The following RNF8 variants were observed in gnomAD, a reference collection of about 807,000 sequenced individuals.
RNF8 encodes the protein ring finger protein 8.
In RNF8, 8 loss-of-function variants were observed where a neutral mutation model predicts 59.3. That is an observed-to-expected ratio of 0.13 (90% confidence interval 0.08 to 0.24). The LOEUF (loss-of-function observed/expected upper bound fraction) is 0.24, where lower values mean the gene tolerates loss of function less well. RNF8 is among the 10% of genes least tolerant of loss of function. RNF8 has a pLI of 1.00. For missense variants in RNF8, 406 were observed against 572.6 expected, an observed-to-expected ratio of 0.71 and a Z score of 2.97; for synonymous variants, 162 against 200.0, an observed-to-expected ratio of 0.81 and a Z score of 1.60.
chr6:37,360,369 G>A lies in RNF8; in HGVS notation c.112-77G>A. 1.3e-6 allele frequency: 2 copies of A among 1,571,076 alleles called. No individual in the cohort carries two copies. Among genetic ancestry groups the A allele is most frequent in the East Asian group, 4.5e-5 (2 of 44,296 alleles). On this transcript the variant is annotated intron_variant, in intron 1 of 7. Transcript: ENST00000373479. This position sits in a 1 kb window ranked among gnomAD's most constrained non-coding sequence, Gnocchi z 4.2. ...AAGTCAGGACCTGCATATGCTGCTG[G>A]TTGATGAGATTTGTAAAGGACCTCC...
chr6:37,361,546 T>C (rs767820729), intron 2 of RNF8: 1 of 350,898 alleles, frequency 2.8e-6, no homozygotes, highest in Non-Finnish European at 5.6e-6. Context: ...GTGATGAAAA[T>C]ACAGACTATG....
At chr6:37,371,134 ATGT>A (rs1028311014) in intron 3 of RNF8, among the ~76,000 whole-genome samples, 1 of 152,088 alleles carries the variant, frequency 6.6e-6, no homozygotes, top group African/African-American at 2.4e-5. Flanking sequence ...AGCATGCTAG[ATGT>A]TGTGAGTGCC....
At chr6:37,364,709 A>T (rs765589566) in intron 2 of RNF8, among the ~76,000 whole-genome samples, 1 of 152,212 alleles carries the variant, frequency 6.6e-6, no homozygotes. Context: ...TTTACCCAAG[A>T]TTAATGAAAG....
chr6:37,363,668 T>A (rs778857074), intron 2 of RNF8, among the ~76,000 whole-genome samples: 2 of 151,726 alleles, frequency 1.3e-5, no homozygotes, highest in Non-Finnish European at 2.9e-5. Flanking sequence ...GTTGGGAGTG[T>A]AAATTGGTAC....
At chr6:37,356,935 C>T (rs1387611938) in intron 1 of RNF8, among the ~76,000 whole-genome samples, 2 of 152,162 alleles carry the variant, frequency 1.3e-5, no homozygotes, top group Non-Finnish European at 2.9e-5. Flanking sequence ...GGTGGGGTTT[C>T]GCCATGTTGG....
rs1193903040 is a variant in RNF8 at position 37,391,617 on chromosome 6, GT to G, written c.*863del. ...TCTTTATTTTTCTTTTACATTAGAA[GT>G]TTTCTCTCTTTTCTCCACCTCTCCT... On this transcript the variant is annotated 3_prime_UTR_variant, in exon 8 of 8. Coordinates refer to ENST00000373479, the MANE Select transcript of RNF8 (RefSeq NM_003958.4). 5.3e-5 allele frequency: 8 copies of G among 152,080 alleles called. No individual in the cohort carries two copies. Among genetic ancestry groups the G allele is most frequent in the Non-Finnish European group, 2.9e-5 (2 of 68,006 alleles). 9.4% of individuals were successfully genotyped at this position (152,080 alleles called of 1,614,324 possible). A position where few individuals can be genotyped will look rare whatever the true frequency, so the allele number is the denominator to read the frequency against.
At position 37,381,652 on chromosome 6, in the gene RNF8, T is replaced by G. The variant is rs1307129274; in HGVS notation, c.1441+298T>G. Among the ~76,000 whole-genome samples, 4 of 152,208 alleles carry G rather than the reference T, an allele frequency of 2.6e-5. No homozygotes were observed. The East Asian group carries it at 5.8e-4, about 22-fold the overall frequency. ...AAAAAATACACACAGTCAGACGTTT[T>G]GCTGTACCAGTCACTAGATGGTGCT... is the stretch of plus-strand genomic sequence containing the variant. On this transcript the variant is annotated intron_variant, in intron 7 of 7. Coordinates refer to ENST00000373479, the MANE Select transcript of RNF8 (RefSeq NM_003958.4).
intron 2 of RNF8, among the ~76,000 whole-genome samples, chr6:37,366,471 G>T (rs191428497): frequency 1.1e-3 from 160 of 152,312 alleles, no homozygotes; most frequent in African/African-American, 3.5e-3. Context: ...TGAATAGAAA[G>T]AGTGTGAGGA....
chr6:37,361,357 A>G (rs1769315451), intron 2 of RNF8: 1 of 456,116 alleles, frequency 2.2e-6, no homozygotes, highest in South Asian at 1.5e-5. Context: ...AGTTTGTCTA[A>G]GGAGAGGTGA....
intron 1 of RNF8, among the ~76,000 whole-genome samples, chr6:37,357,096 CT>C (rs1769148919): frequency 6.6e-6 from 1 of 152,124 alleles, no homozygotes; most frequent in South Asian, 2.1e-4. Context: ...AAGAGATAGT[CT>C]TAGTGAAGGT....
rs780729053 is a variant in RNF8, at chr6:37,368,510, A to T, written c.267A>T (p.Arg89Ser). ...NKSLNGVWLN[R>S]ARLEPLRVYS... is the part of the protein sequence containing the mutation. ...GTCTAAATGGTGTTTGGCTGAACAGAGCGCGTCTGGAACCTTTAAGGGTCT... is the reference window on the plus strand; with the variant it reads ...GTCTAAATGGTGTTTGGCTGAACAGTGCGCGTCTGGAACCTTTAAGGGTCT... The change falls in exon 3 of 8, where the codon AGA becomes AGT. Residue 89 changes from arginine to serine, a missense_variant. Around this residue, in one of 3 missense-constraint regions of RNF8, gnomAD observed 285 missense variants for 342.0 expected, o/e 0.83. Transcript: ENST00000373479. 6.2e-7 allele frequency: 1 copy of T among 1,614,150 alleles called. No homozygotes were observed. Among genetic ancestry groups the T allele is most frequent in the South Asian group, 1.1e-5 (1 of 91,084 alleles).
intron 3 of RNF8, 75 bp from the exon 4 acceptor site, chr6:37,371,437 C>A: frequency 7.8e-7 from 1 of 1,289,270 alleles, no homozygotes; most frequent in Non-Finnish European, 1.1e-6. Context: ...CTGGTCTGCT[C>A]TGCTTGTTGC....
chr6:37,357,122 T>C (rs2113812649), intron 1 of RNF8, among the ~76,000 whole-genome samples: 1 of 152,330 alleles, frequency 6.6e-6, no homozygotes, highest in East Asian at 1.9e-4. Context: ...AAAGACAGGA[T>C]GATCTTTTAG....
At chr6:37,359,434 T>A (rs1769235539) in intron 1 of RNF8, 1 of 215,654 alleles carries the variant, frequency 4.6e-6, no homozygotes, top group African/African-American at 2.3e-5. Context: ...AACGAAGGTA[T>A]AGAAGGCATC....
intron 1 of RNF8, among the ~76,000 whole-genome samples, chr6:37,357,936 C>T (rs898198075): frequency 5.9e-5 from 9 of 152,220 alleles, no homozygotes; most frequent in South Asian, 2.1e-4. Context: ...TATTCTATTA[C>T]GGGGACAGAG....
At chr6:37,368,250 C>A in intron 2 of RNF8, 1 of 785,430 alleles carries the variant, frequency 1.3e-6, no homozygotes, top group Non-Finnish European at 2.0e-6. Context: ...GTGATTCCTG[C>A]CTGTTATATG....
intron 1 of RNF8, among the ~76,000 whole-genome samples, chr6:37,357,329 C>T (rs1769158745): frequency 6.6e-6 from 1 of 152,124 alleles, no homozygotes; most frequent in Non-Finnish European, 1.5e-5. Flanking sequence ...AATTCTAAGA[C>T]CAGGCAGTGC....
At chr6:37,354,606 T>C (rs528600758) in intron 1 of RNF8, among the ~76,000 whole-genome samples, 14 of 151,286 alleles carry the variant, frequency 9.3e-5, no homozygotes, top group African/African-American at 2.7e-4. Context: ...ACCCGCGGCC[T>C]GTGGGGCGAG....
At chr6:37,382,839 G>A (rs1317012914) in intron 7 of RNF8, among the ~76,000 whole-genome samples, 3 of 152,082 alleles carry the variant, frequency 2.0e-5, no homozygotes, top group Non-Finnish European at 4.4e-5. Flanking sequence ...TTAGCCGGGC[G>A]TGGTGGCGCA....
Sources: gnomAD v4.1 joint callset for allele counts (sites outside exome capture counted in the v4.1 genomes callset) on GRCh38, gnomAD v4.1.1 for gene constraint, gnomAD v4.1.1 regional missense constraint, Gnocchi (gnomAD v3.1) non-coding constraint, MANE v1.5 for transcripts, NCBI Gene and HGNC (gene_info 2026-07-23, HGNC 2026-07-21) for gene names.